UST: variants seen among roughly 807,000 people sequenced by gnomAD.
UST encodes uronyl 2-sulfotransferase, also known as chondroitin sulfate 2-O-sulfotransferase.
A neutral mutation model predicts 45.6 loss-of-function variants in UST; 21 were observed. The ratio of observed to expected loss-of-function variants is 0.46; its 90% CI spans 0.33 to 0.66. The LOEUF is 0.66. UST is among the 30% of genes least tolerant of loss of function. UST has a pLI of 0.02. For missense variants in UST, 463 were observed against 512.4 expected, an observed-to-expected ratio of 0.90 and a Z score of 0.93; for synonymous variants, 215 against 200.6, an observed-to-expected ratio of 1.07 and a Z score of -0.61.
intron 4 of UST, among the ~76,000 whole-genome samples, chr6:148,960,515 G>A (rs1004950751): frequency 1.3e-5 from 2 of 152,222 alleles, no homozygotes; most frequent in African/African-American, 4.8e-5. Flanking sequence ...GGCTAAAAAG[G>A]AGGTAGGCTT....
At chr6:148,994,384 T>C (rs1185869593) in intron 5 of UST, among the ~76,000 whole-genome samples, 1 of 152,212 alleles carries the variant, frequency 6.6e-6, no homozygotes, top group East Asian at 1.9e-4. Context: ...TTCACTTTAA[T>C]AGGAGAAAAT....
intron 3 of UST, among the ~76,000 whole-genome samples, chr6:148,942,882 C>T (rs1358068435): frequency 1.3e-5 from 2 of 152,054 alleles, no homozygotes; most frequent in African/African-American, 4.8e-5. Flanking sequence ...ATTACCAGCA[C>T]GAATAGTTAA....
At chr6:148,782,687 G>C (rs139563416) in intron 1 of UST, among the ~76,000 whole-genome samples, 1 of 151,996 alleles carries the variant, frequency 6.6e-6, no homozygotes, top group African/African-American at 2.4e-5. Context: ...TCCTGATCTC[G>C]GGTGATCCAC....
chr6:148,938,991 A>T (rs1235180179), intron 2 of UST, among the ~76,000 whole-genome samples: 1 of 152,090 alleles, frequency 6.6e-6, no homozygotes, highest in Non-Finnish European at 1.5e-5. Context: ...AATCCACACA[A>T]AAAAACTATT....
chr6:149,028,869 A>G (rs543383401), intron 7 of UST, among the ~76,000 whole-genome samples: 1 of 152,342 alleles, frequency 6.6e-6, no homozygotes, highest in African/African-American at 2.4e-5. Context: ...TGACTGTTAT[A>G]TTCCATGTTA....
chr6:148,899,092 CTTTTTTTTTTTTT>C (rs3075093), intron 2 of UST, among the ~76,000 whole-genome samples: 1 of 65,580 alleles, frequency 1.5e-5, no homozygotes, highest in African/African-American at 5.9e-5. Context: ...CTACCTAATC[CTTTTTTTTTTTTT>C]TTTTTTTTTT....
At chr6:148,777,278 C>G (rs1776552634) in intron 1 of UST, among the ~76,000 whole-genome samples, 1 of 152,204 alleles carries the variant, frequency 6.6e-6, no homozygotes, top group South Asian at 2.1e-4. Context: ...TCTACATAAG[C>G]AAGCCTGATG....
At chr6:149,064,719 A>G (rs1240622041) in intron 7 of UST, among the ~76,000 whole-genome samples, 3 of 152,194 alleles carry the variant, frequency 2.0e-5, no homozygotes, top group Non-Finnish European at 2.9e-5. Context: ...CCAGTCAGGT[A>G]ACATAAAAGA....
chr6:148,964,192 T>TG (rs2114957873), intron 4 of UST, among the ~76,000 whole-genome samples: 2 of 152,286 alleles, frequency 1.3e-5, no homozygotes, highest in African/African-American at 4.8e-5. Flanking sequence ...TCACAGCCCC[T>TG]CAACAGGTAC....
At chr6:148,753,175 A>C (rs1776022463) in intron 1 of UST, among the ~76,000 whole-genome samples, 1 of 152,166 alleles carries the variant, frequency 6.6e-6, no homozygotes, top group African/African-American at 2.4e-5. Context: ...CACCCATTTA[A>C]AGTTTTTAAT....
chr6:148,806,419 A>C (rs1249797193), intron 1 of UST, among the ~76,000 whole-genome samples: 4 of 151,616 alleles, frequency 2.6e-5, no homozygotes, highest in African/African-American at 9.7e-5. Context: ...TCTCACTGCA[A>C]CCTCCACCTC....
intron 7 of UST, among the ~76,000 whole-genome samples, chr6:149,023,104 GTGT>G (rs1776002044): frequency 1.9e-4 from 1 of 5,234 alleles, no homozygotes; most frequent in African/African-American, 3.2e-4. Flanking sequence ...GTTCTATGGT[GTGT>G]GTGTGTGTGT....
Position 148,953,893 on chromosome 6 carries a change from A to C in UST, c.469A>C (p.Ser157Arg), listed in dbSNP as rs192769444. 6.2e-7 allele frequency: 1 copy of C among 1,606,552 alleles called. No individual in the cohort carries two copies. The highest frequency in any genetic ancestry group is 2.2e-5 in the East Asian group (1 of 44,450). Residue 157 changes from serine (S) to arginine (R), a missense_variant, in exon 4 of 8, where the codon AGT (serine) becomes CGT (arginine). Coordinates refer to ENST00000367463, the MANE Select transcript of UST (RefSeq NM_005715.3). Reference protein sequence around the residue: ...NEQMELIKNISTAEQPYLFTR... With the variant: ...NEQMELIKNIRTAEQPYLFTR... ...ATAGATGGAACTGATTAAAAATATA[A>C]GTACTGCCGAACAACCCTATTTATT...
intron 7 of UST, among the ~76,000 whole-genome samples, chr6:149,054,393 C>T (rs1190217781): frequency 2.0e-5 from 3 of 152,204 alleles, no homozygotes; most frequent in Non-Finnish European, 4.4e-5. Context: ...GCATGTTCCA[C>T]AGCCTTTGAT....
chr6:148,979,022 AT>A (rs1369931270), intron 5 of UST, among the ~76,000 whole-genome samples: 10 of 152,138 alleles, frequency 6.6e-5, no homozygotes, highest in African/African-American at 1.9e-4. Flanking sequence ...ACAACTAGTA[AT>A]AGAAAAACCT....
chr6:148,886,963 C>T (rs1181770411), intron 1 of UST, 23 bp from the exon 2 acceptor site: 3 of 1,605,498 alleles, frequency 1.9e-6, no homozygotes, highest in Non-Finnish European at 2.6e-6. Flanking sequence ...ACGGATTCAT[C>T]AACTTTTTCC....
intron 1 of UST, among the ~76,000 whole-genome samples, chr6:148,803,725 G>A (rs2114720571): frequency 6.6e-6 from 1 of 152,304 alleles, no homozygotes; most frequent in East Asian, 1.9e-4. Context: ...CCTTCAGTGT[G>A]GCTGAGGAGG....
At chr6:148,833,776 T>C (rs1384108109) in intron 1 of UST, among the ~76,000 whole-genome samples, 3 of 152,194 alleles carry the variant, frequency 2.0e-5, no homozygotes, top group Non-Finnish European at 4.4e-5. Flanking sequence ...AAATTCAACA[T>C]GCATGAATCT....
intron 5 of UST, among the ~76,000 whole-genome samples, chr6:148,970,026 C>A (rs1422653892): frequency 2.0e-5 from 3 of 152,226 alleles, no homozygotes; most frequent in African/African-American, 4.8e-5. Flanking sequence ...CAGGCTGATG[C>A]AAGCCATCCA....
Sources: allele counts gnomAD v4.1 joint callset (sites outside exome capture counted in the v4.1 genomes callset), GRCh38; gene constraint gnomAD v4.1.1; transcripts MANE v1.5; gene names NCBI Gene and HGNC (gene_info 2026-07-23, HGNC 2026-07-21).